TTN: variants seen among roughly 807,000 people sequenced by gnomAD.
TTN encodes the protein titin.
In TTN, 1,525 loss-of-function variants were observed where a neutral mutation model predicts 3,223.0. The observed-to-expected ratio is 0.47, with a 90% confidence interval of 0.45 to 0.49. The LOEUF (loss-of-function observed/expected upper bound fraction) is 0.49, where lower values mean the gene tolerates loss of function less well. Ranked by LOEUF, TTN falls within the 20% of genes least tolerant of loss-of-function variation. The probability of loss-of-function intolerance (pLI) is 0.00; values close to 1 mark genes in which losing one functional copy is unlikely to be tolerated. For missense variants in TTN, 40,786 were observed against 43,424.0 expected (o/e 0.94, Z 5.40); for synonymous variants, 14,094 against 15,161.0 (o/e 0.93, Z 5.17).
At chr2:178,690,164 C>G (rs892960168) in intron 121 of TTN, among the ~76,000 whole-genome samples, 2 of 152,076 alleles carry the variant, frequency 1.3e-5, no homozygotes, top group Non-Finnish European at 2.9e-5. Flanking sequence ...TATTGTATGA[C>G]CTTGCTAAAA....
rs761445537 is a variant in TTN at position 178,584,795 on chromosome 2, T to C, written c.64846A>G (p.Lys21616Glu). ...AGCTTTCCAACCCTGCAGGAAGTTT[T>C]TGTGACTGAAGCTAGAGCCGTGACC... ...DWVTALASVT[K>E]TSCRVGKLIP... Residue 21616 changes from lysine (K) to glutamate (E), a missense_variant, in exon 310 of 363, where the codon AAA (lysine) becomes GAA (glutamate). Coordinates refer to ENST00000589042, the MANE Select transcript of TTN (RefSeq NM_001267550.2). 7 of 1,613,398 alleles carry C rather than the reference T, an allele frequency of 4.3e-6. No homozygotes were observed. Among genetic ancestry groups the C allele is most frequent in the Non-Finnish European group, 4.2e-6 (5 of 1,179,562 alleles).
At chr2:178,728,849 CTG>C in intron 65 of TTN, 40 bp downstream of exon 65, 11 of 1,571,838 alleles carry the variant, frequency 7.0e-6, no homozygotes, top group Non-Finnish European at 9.5e-6. Flanking sequence ...GCTAATGAAA[CTG>C]TCGCTATAGA....
At position 178,568,793 on chromosome 2, in the gene TTN, C is replaced by T. The variant is rs555798738; in HGVS notation, c.77339G>A (p.Ser25780Asn). Residue 25780 changes from serine to asparagine, a missense_variant, in exon 326 of 363, where the codon AGT (serine) becomes AAT (asparagine). Transcript: ENST00000589042. ...TGGAACTGCAAGGGACCGAGGATCA[C>T]TTCTCCCCTTTTCATTTACAGCAAC... ...RVVAVNEKGR[S>N]DPRSLAVPIV... The T allele has an allele frequency of 6.2e-7, 1 of 1,613,106 alleles. No homozygotes were observed. Among genetic ancestry groups the T allele is most frequent in the Admixed American group, 1.7e-5 (1 of 59,948 alleles).
At chr2:178,780,399 G>C (rs2092659438) in intron 21 of TTN, among the ~76,000 whole-genome samples, 194 bp from the exon 22 acceptor site, 2 of 152,282 alleles carry the variant, frequency 1.3e-5, no homozygotes, top group African/African-American at 4.8e-5. Context: ...AATCCAACCA[G>C]CCATTACAAT....
At chr2:178,612,659 A>G in intron 265 of TTN, 83 bp from the exon 266 acceptor site, 1 of 1,540,396 alleles carries the variant, frequency 6.5e-7, no homozygotes, top group Non-Finnish European at 8.7e-7. Flanking sequence ...GTCATTAAGA[A>G]GTAATGTAGC....
chr2:178,550,188 T>C lies in TTN; in HGVS notation c.91650A>G (p.Val30550=), dbSNP rs1447696542. 1 of 1,613,782 alleles carries C rather than the reference T, an allele frequency of 6.2e-7. No individual in the cohort carries two copies. Among genetic ancestry groups the C allele is most frequent in the South Asian group, 1.1e-5 (1 of 91,072 alleles). Reference sequence around the variant, plus strand: ...TTACTCGAGGCACTGGTCTTCCTTGTACCAAAGCTTTAATTCTAAGGCTCT... The same window carrying C: ...TTACTCGAGGCACTGGTCTTCCTTGCACCAAAGCTTTAATTCTAAGGCTCT... ...SGESLRIKAL[V]QGRPVPRVTW... is the part of the protein sequence containing the mutation. The change falls in exon 337 of 363, where the codon GTA becomes GTG. Residue 30550 remains valine (V), a synonymous_variant. Transcript: ENST00000589042.
intron 127 of TTN, 117 bp from the exon 128 acceptor site, chr2:178,685,715 C>T: frequency 2.2e-6 from 2 of 917,806 alleles, no homozygotes; most frequent in African/African-American, 1.7e-5. Context: ...CCTTGCCAAA[C>T]CCCTGCTTGT....
chr2:178,534,808 C>T lies in TTN; in HGVS notation c.101807G>A (p.Gly33936Glu). 6.2e-7 allele frequency: 1 copy of T among 1,611,354 alleles called. No individual in the cohort carries two copies. Among genetic ancestry groups the T allele is most frequent in the Admixed American group, 1.7e-5 (1 of 60,002 alleles). Residue 33936 changes from glycine to glutamate, a missense_variant, in exon 358 of 363, where the codon GGA becomes GAA. Physicochemically the swap from Gly to Glu is moderately conservative, Grantham distance 98. Coordinates refer to ENST00000589042, the MANE Select transcript of TTN (RefSeq NM_001267550.2). ...ATTTTCTGGTCTAATGTCAAAGTGT[C>T]CAATATTATGACTGTGTAAAAACTG... Reference protein sequence around the residue: ...ALQFLHSHNIGHFDIRPENII... With the variant: ...ALQFLHSHNIEHFDIRPENII...
intron 235 of TTN, 38 bp downstream of exon 235, chr2:178,632,488 A>T (rs769461382): frequency 1.6e-5 from 25 of 1,591,812 alleles, no homozygotes; most frequent in Non-Finnish European, 2.1e-5. Flanking sequence ...AGGCAAAAAA[A>T]ATGATTTTGG....
intron 43 of TTN, among the ~76,000 whole-genome samples, chr2:178,762,442 T>A (rs1054510411): frequency 3.9e-5 from 6 of 152,196 alleles, no homozygotes; most frequent in African/African-American, 1.4e-4. Flanking sequence ...AATTGGTGTC[T>A]TGTAGAGTGC....
intron 126 of TTN, 80 bp downstream of exon 126, chr2:178,688,597 A>G: frequency 1.0e-6 from 1 of 988,690 alleles, no homozygotes; most frequent in Non-Finnish European, 1.6e-6. Context: ...GTTCTAAAGT[A>G]AACAATCACA....
At position 178,546,835 on chromosome 2, in the gene TTN, C is replaced by G. The variant is rs373301015; in HGVS notation, c.94593G>C (p.Ala31531=). The G allele has an allele frequency of 7.5e-6, 12 of 1,608,302 alleles. No homozygotes were observed. In the Admixed American group the frequency reaches 1.8e-4, roughly 25 times the overall value. ...STVSLIWSAP[A]YDGGSKVVGY... is the part of the protein sequence containing the mutation. ...CCACAACCTTGCTGCCTCCATCATACGCTGGGGCAGACCAAATCAGTGATA... is the reference window on the plus strand; with the variant it reads ...CCACAACCTTGCTGCCTCCATCATAGGCTGGGGCAGACCAAATCAGTGATA... Residue 31531 remains alanine, a synonymous_variant, in exon 341 of 363, where the codon GCG becomes GCC. Transcript: ENST00000589042.
intron 49 of TTN, 124 bp downstream of exon 49, chr2:178,737,958 T>C: frequency 8.0e-7 from 1 of 1,243,100 alleles, no homozygotes; most frequent in Non-Finnish European, 1.1e-6. Context: ...ACCTACCATG[T>C]TACTGTCTTG....
In TTN at chr2:178,675,063, CTTTAGGGAGAA is replaced by C. The variant is rs1210385113; in HGVS notation, c.34577_34587del (p.Ile11526ArgfsTer8). ...CCTTCAACTGGTAGAACTTCCTCTT[CTTTAGGGAGAA>C]TGATTCGTTTTTCTTCCACCTTCTT... On this transcript the variant is annotated frameshift_variant, in exon 150 of 363. Coordinates refer to ENST00000589042, the MANE Select transcript of TTN (RefSeq NM_001267550.2). LOFTEE classifies it high-confidence loss of function. 6.4e-7 allele frequency: 1 copy of C among 1,550,524 alleles called. No homozygotes were observed. The highest frequency in any genetic ancestry group is 8.7e-7 in the Non-Finnish European group (1 of 1,155,426).
chr2:178,713,798 A>G (rs1191751085), intron 92 of TTN, 99 bp downstream of exon 92: 11 of 1,429,660 alleles, frequency 7.7e-6, no homozygotes, highest in Non-Finnish European at 1.0e-5. Flanking sequence ...TGTCGGACTC[A>G]TGTTATCCTA....
intron 102 of TTN, among the ~76,000 whole-genome samples, chr2:178,706,224 A>T (rs2075839010): frequency 6.6e-6 from 1 of 152,246 alleles, no homozygotes; most frequent in Admixed American, 6.5e-5. Context: ...AAAATGGCAT[A>T]GTATTTGCAT....
rs1559600496 is a variant in TTN, at chr2:178,592,204, T to G, written c.59700A>C (p.Glu19900Asp). The G allele has an allele frequency of 6.2e-7, 1 of 1,612,226 alleles. No individual in the cohort carries two copies. The highest frequency in any genetic ancestry group is 1.7e-4 in the Middle Eastern group (1 of 6,050). Residue 19900 changes from glutamate to aspartate, a missense_variant, in exon 302 of 363, where the codon GAA becomes GAC. Coordinates refer to ENST00000589042, the MANE Select transcript of TTN (RefSeq NM_001267550.2). The part of the protein sequence containing the change: ...RKDSCYLTWK[E>D]PLDDGGSVIT... ...TAACAGAACCACCATCATCCAGTGG[T>G]TCTTTCCAAGTAAGGTAACATGAAT...
Position 178,546,680 on chromosome 2 carries a change from C to T in TTN, c.94748G>A (p.Arg31583His), listed in dbSNP as rs727503544. The T allele has an allele frequency of 2.0e-5, 32 of 1,613,652 alleles. No individual in the cohort carries two copies. The highest frequency in any genetic ancestry group is 3.3e-5 in the South Asian group (3 of 91,080). The change falls in exon 341 of 363, where the codon CGT becomes CAT. Residue 31583 changes from arginine to histidine, a missense_variant. Transcript: ENST00000589042. ...ALSEGDTYEF[R>H]VLAKNAAGVI... Reference sequence around the variant, plus strand: ...GCCTGCTGCATTCTTGGCTAACACACGGAACTCATAAGTGTCTCCTTCACT... The same window carrying T: ...GCCTGCTGCATTCTTGGCTAACACATGGAACTCATAAGTGTCTCCTTCACT...
At position 178,553,788 on chromosome 2, in the gene TTN, A is replaced by T; in HGVS notation, c.89217T>A (p.Ala29739=). The T allele has an allele frequency of 6.2e-7, 1 of 1,600,540 alleles. No homozygotes were observed. Among genetic ancestry groups the T allele is most frequent in the South Asian group, 1.1e-5 (1 of 88,824 alleles). The change falls in exon 334 of 363, where the codon GCT becomes GCA. Residue 29739 remains alanine, a synonymous_variant. Transcript: ENST00000589042. ...ADPIDPPGPP[A]KIRIADSTKS... ...TGGTTGAATCTGCGATTCTTATCTT[A>T]GCAGGTGGACCTGGAGGATCTGGAA... is the stretch of plus-strand genomic sequence containing the variant.
Sources: gnomAD v4.1 joint callset for allele counts (sites outside exome capture counted in the v4.1 genomes callset) on GRCh38, gnomAD v4.1.1 for gene constraint, MANE v1.5 for transcripts, NCBI Gene and HGNC (gene_info 2026-07-23, HGNC 2026-07-21) for gene names.